The following NDUFA10 variants were observed in gnomAD, a reference collection of about 807,000 sequenced individuals.
NDUFA10 encodes NADH dehydrogenase [ubiquinone] 1 alpha subcomplex subunit 10, mitochondrial.
Under a neutral mutation model 47.8 loss-of-function variants are expected in NDUFA10, and 40 were observed. That is an observed-to-expected ratio of 0.84 (90% CI 0.65 to 1.09). NDUFA10 has a LOEUF of 1.09. Among genes scored for constraint, NDUFA10 ranks in the 50% least tolerant of loss-of-function variants. NDUFA10 has a pLI of 0.00. For missense variants in NDUFA10, 413 were observed against 451.1 expected (o/e 0.92, Z 0.76); for synonymous variants, 183 against 172.2 (o/e 1.06, Z -0.49).
chr2:239,971,211 A>C (rs1695291746), intron 9 of NDUFA10, among the ~76,000 whole-genome samples: 1 of 152,256 alleles, frequency 6.6e-6, no homozygotes, highest in African/African-American at 2.4e-5. Flanking sequence ...GATAGTAGAT[A>C]TATCTCAGGA....
At chr2:240,003,433 CAA>C (rs1234225908) in intron 8 of NDUFA10, among the ~76,000 whole-genome samples, 2 of 152,182 alleles carry the variant, frequency 1.3e-5, no homozygotes, top group African/African-American at 4.8e-5. Flanking sequence ...CCTCGAGAGG[CAA>C]AGTGTTGGTG....
chr2:239,913,181 G>A (rs1693783355), intron 4 of NDUFA10, among the ~76,000 whole-genome samples: 1 of 152,232 alleles, frequency 6.6e-6, no homozygotes, highest in African/African-American at 2.4e-5. Flanking sequence ...CTGCCAGCTG[G>A]TTGAAAGAGA....
rs930077031 is a variant in NDUFA10, at chr2:239,960,357, C to T, written c.*761G>A. ...CTCATTTCTCAGTTTTGACTGGCAA[C>T]TTGATTTTCTGGGTAATAAAGAGAG... On this transcript the variant is annotated 3_prime_UTR_variant, in exon 10 of 10. Coordinates refer to ENST00000252711, the MANE Select transcript of NDUFA10 (RefSeq NM_004544.4). 1 of 985,382 alleles carries T rather than the reference C, an allele frequency of 1.0e-6. No homozygotes were observed. Among genetic ancestry groups the T allele is most frequent in the African/African-American group, 1.7e-5 (1 of 57,228 alleles). 61.0% of individuals were successfully genotyped at this position (985,382 alleles called of 1,614,324 possible). A position where few individuals can be genotyped will look rare whatever the true frequency, so the allele number is the denominator to read the frequency against.
chr2:240,025,250 C>T lies in NDUFA10; in HGVS notation c.52G>A (p.Val18Met). The T allele has an allele frequency of 6.7e-7, 1 of 1,498,844 alleles. No individual in the cohort carries two copies. 92.8% of individuals were successfully genotyped at this position (1,498,844 alleles called of 1,614,324 possible). ...ACCACGCGCTGGGCGCCCGCCGCCA[C>T]GACCCGGGCGGACGCGGACGTCGCT... ...LAATSASARV[V>M]AAGAQRVRGI... The change falls in exon 1 of 10, where the codon GTG becomes ATG. Residue 18 changes from valine to methionine, a missense_variant. By Grantham distance (21) the Val-to-Met change is conservative. Transcript: ENST00000252711.
chr2:239,979,623 C>T (rs1202993713), intron 9 of NDUFA10, among the ~76,000 whole-genome samples: 2 of 152,132 alleles, frequency 1.3e-5, no homozygotes, highest in African/African-American at 2.4e-5. Flanking sequence ...TCAGCGCCCC[C>T]GCCCATAGCA....
At chr2:239,985,747 T>TAA (rs1481073011) in intron 9 of NDUFA10, among the ~76,000 whole-genome samples, 2 of 151,828 alleles carry the variant, frequency 1.3e-5, no homozygotes, top group African/African-American at 4.8e-5. Flanking sequence ...TTGTCTCTAC[T>TAA]AAAAATACAA....
intron 4 of NDUFA10, among the ~76,000 whole-genome samples, chr2:239,949,254 G>A (rs1433748997): frequency 1.3e-5 from 2 of 152,228 alleles, no homozygotes; most frequent in East Asian, 1.9e-4. Flanking sequence ...TGAGATGCAC[G>A]GCTCGGAGGG....
intron 8 of NDUFA10, among the ~76,000 whole-genome samples, chr2:240,004,568 G>C (rs761668814): frequency 6.8e-6 from 1 of 146,266 alleles, no homozygotes; most frequent in Non-Finnish European, 1.5e-5. Flanking sequence ...CTCTTCCACC[G>C]CGGCCTCCCC....
chr2:239,901,105 A>G (rs1693539255), intron 4 of NDUFA10, among the ~76,000 whole-genome samples: 1 of 152,218 alleles, frequency 6.6e-6, no homozygotes. Flanking sequence ...CTCTCTGGTT[A>G]GGGGCATTAC....
rs982449105 is a variant in NDUFA10 at position 239,916,051 on chromosome 2, T to G, written c.295-20737A>C. Reference sequence around the variant, plus strand: ...ACACACAGAGATACTCACACAAACATACACACACACATACATACTCAGACA... The same window carrying G: ...ACACACAGAGATACTCACACAAACAGACACACACACATACATACTCAGACA... On this transcript the variant is annotated intron_variant, in intron 4 of 5. Coordinates refer to the NDUFA10 transcript ENST00000419408. Among the ~76,000 whole-genome samples the G allele has an allele frequency of 4.1e-5, 4 of 96,794 alleles. No individual in the cohort carries two copies. In the South Asian group the frequency reaches 9.7e-4, roughly 24 times the overall value. The allele number at this position is 96,794 out of a possible 152,430, so 63.5% of individuals were successfully genotyped here.
intron 4 of NDUFA10, among the ~76,000 whole-genome samples, chr2:240,015,365 T>C (rs1697306974): frequency 6.6e-6 from 1 of 152,260 alleles, no homozygotes; most frequent in African/African-American, 2.4e-5. Context: ...AGGTATATAG[T>C]ATACATGCTA....
At chr2:239,908,883 C>T (rs2106469788) in intron 4 of NDUFA10, among the ~76,000 whole-genome samples, 1 of 152,326 alleles carries the variant, frequency 6.6e-6, no homozygotes, top group Admixed American at 6.5e-5. Flanking sequence ...AAGGGTCAGT[C>T]CCTGCCCCAG....
intron 9 of NDUFA10, among the ~76,000 whole-genome samples, chr2:239,982,905 G>C (rs956870745): frequency 6.6e-6 from 1 of 152,334 alleles, no homozygotes; most frequent in Admixed American, 6.5e-5. Flanking sequence ...CAAGCTGTCT[G>C]TCGGGTGGCC....
At chr2:239,955,292 C>A (rs949958135), downstream of NDUFA10, among the ~76,000 whole-genome samples, 11 of 152,092 alleles carry the variant, frequency 7.2e-5, no homozygotes, top group Non-Finnish European at 1.3e-4. Flanking sequence ...GTGGAGAGAC[C>A]ATGAAAATAG....
rs568821933 is a variant in NDUFA10 at position 239,940,063 on chromosome 2, G to A, written c.295-44749C>T. On this transcript the variant is annotated intron_variant, in intron 4 of 5. Transcript: ENST00000419408. ...CCCACCGCCTCTGAGGAACCCAGGC[G>A]GCTGAAAGCTCCACCATCCACAACA... Among the ~76,000 whole-genome samples, 20 of 152,328 alleles carry A rather than the reference G, an allele frequency of 1.3e-4. No homozygotes were observed. The South Asian group carries it at 3.5e-3, about 27-fold the overall frequency.
At chr2:240,021,535 C>T (rs923188508) in intron 2 of NDUFA10, 123 bp from the exon 3 acceptor site, 3 of 836,102 alleles carry the variant, frequency 3.6e-6, no homozygotes, top group African/African-American at 3.4e-5. Context: ...AGCCAATGAC[C>T]TAGAGAAAGT....
At chr2:239,982,928 G>A (rs1371620275) in intron 9 of NDUFA10, among the ~76,000 whole-genome samples, 4 of 152,190 alleles carry the variant, frequency 2.6e-5, no homozygotes, top group Non-Finnish European at 5.9e-5. Context: ...ATAAAAGGAA[G>A]CCACTCTCAC....
rs186722895 is a variant in NDUFA10 at position 239,984,789 on chromosome 2, G to A, written c.999+5285C>T. Among the ~76,000 whole-genome samples, 81 of 152,360 alleles carry A rather than the reference G, an allele frequency of 5.3e-4. 1 individual carries two copies. The highest frequency in any genetic ancestry group is 3.4e-3 in the Middle Eastern group (1 of 294). ...AAACACAGCTGGGCTGCACGTTCCC[G>A]TCCCTGAGGCGCTCCCTGGTCCCAC... On this transcript the variant is annotated intron_variant, in intron 9 of 9. Coordinates refer to ENST00000252711, the MANE Select transcript of NDUFA10 (RefSeq NM_004544.4).
At chr2:239,901,202 T>A (rs1179540574) in intron 4 of NDUFA10, among the ~76,000 whole-genome samples, 2 of 152,152 alleles carry the variant, frequency 1.3e-5, no homozygotes, top group African/African-American at 2.4e-5. Context: ...GACTCCGCCA[T>A]GCTCTACAAA....
Sources: allele counts gnomAD v4.1 joint callset (sites outside exome capture counted in the v4.1 genomes callset), GRCh38; gene constraint gnomAD v4.1.1; transcripts MANE v1.5; gene names NCBI Gene and HGNC (gene_info 2026-07-23, HGNC 2026-07-21).